The following FREM2 variants were observed in gnomAD, a reference collection of about 807,000 sequenced individuals.
FREM2 encodes the protein FRAS1-related extracellular matrix protein 2.
FREM2 carries 119 observed loss-of-function variants against 219.9 expected under a neutral mutation model. The observed-to-expected ratio is 0.54, with a 90% CI of 0.47 to 0.63. The LOEUF is 0.63. FREM2 is among the 30% of genes least tolerant of loss of function. The pLI is 0.00. For missense variants in FREM2, 4,030 were observed against 3,993.6 expected, an observed-to-expected ratio of 1.01 and a Z score of -0.25; for synonymous variants, 1,562 against 1,522.8, an observed-to-expected ratio of 1.03 and a Z score of -0.60.
At chr13:38,858,169 A>G (rs990435872) in intron 13 of FREM2, 136 bp downstream of exon 13, 14 of 780,168 alleles carry the variant, frequency 1.8e-5, no homozygotes, top group Non-Finnish European at 3.0e-5. Flanking sequence ...TGAGCTTTGC[A>G]TATATAACAC....
rs766104696 is a variant in FREM2 at position 38,856,221 on chromosome 13, C to G, written c.7021C>G (p.Leu2341Val). Residue 2341 changes from leucine to valine, a missense_variant, in exon 12 of 24, where the codon CTA becomes GTA. By Grantham distance (32) the Leu-to-Val change is conservative (BLOSUM62 1). Coordinates refer to ENST00000280481, the MANE Select transcript of FREM2 (RefSeq NM_207361.6). ...GATGAGAGAGGCCTTCACTGTTCAC[C>G]TAAAACCTGATGAAAATATGATAGC... ...REMREAFTVH[L>V]KPDENMIAEM... 42 of 1,612,746 alleles carry G rather than the reference C, an allele frequency of 2.6e-5. No homozygotes were observed. The highest frequency in any genetic ancestry group is 1.6e-4 in the Middle Eastern group (1 of 6,074).
At position 38,848,407 on chromosome 13, in the gene FREM2, A is replaced by G; in HGVS notation, c.6170-54A>G. 8 of 1,219,774 alleles carry G rather than the reference A, an allele frequency of 6.6e-6. No individual in the cohort carries two copies. The South Asian group carries it at 8.4e-5, about 13-fold the overall frequency. The allele number at this position is 1,219,774 out of a possible 1,614,324, so 75.6% of individuals were successfully genotyped here. A position where few individuals can be genotyped will look rare whatever the true frequency, so the allele number is the denominator to read the frequency against. On this transcript the variant is annotated intron_variant, in intron 7 of 23. Transcript: ENST00000280481. ...ACAATTACATAATTTATGTCTTATA[A>G]TTTTTTGAAATTTAATTAGTCCCCA... is the stretch of plus-strand genomic sequence containing the variant.
chr13:38,858,664 TATACA>T (rs1187578600), intron 13 of FREM2, among the ~76,000 whole-genome samples: 1 of 152,212 alleles, frequency 6.6e-6, no homozygotes, highest in Non-Finnish European at 1.5e-5. Context: ...TAAAATCACT[TATACA>T]ATACATGTTT....
In FREM2 at chr13:38,820,278, T is replaced by C. The variant is rs1875989167; in HGVS notation, c.6020-26295T>C. 2.6e-5 allele frequency among the ~76,000 whole-genome samples: 4 copies of C among 152,266 alleles called. No individual in the cohort carries two copies. The South Asian group carries it at 8.3e-4, about 32-fold the overall frequency. On this transcript the variant is annotated intron_variant, in intron 6 of 23. Coordinates refer to ENST00000280481, the MANE Select transcript of FREM2 (RefSeq NM_207361.6). ...TTGTCAAGTCCTCGTGGATAAATAT[T>C]GTCTTGAGTTTGTTTTGTCTTTTTC...
chr13:38,861,667 T>A, intron 15 of FREM2, 105 bp downstream of exon 15: 1 of 1,291,980 alleles, frequency 7.7e-7, no homozygotes, highest in Non-Finnish European at 1.1e-6. Context: ...AAACGTTCAA[T>A]TTGCAACTTG....
chr13:38,787,914 G>T (rs1171427209), intron 6 of FREM2, among the ~76,000 whole-genome samples: 2 of 151,972 alleles, frequency 1.3e-5, no homozygotes, highest in Non-Finnish European at 2.9e-5. Context: ...GGGAGGATGG[G>T]TCTCATGAGA....
At chr13:38,705,101 G>A (rs965160067) in intron 2 of FREM2, among the ~76,000 whole-genome samples, 3 of 152,206 alleles carry the variant, frequency 2.0e-5, no homozygotes, top group Non-Finnish European at 2.9e-5. Context: ...TTGTGTTTTA[G>A]AAAGATGATT....
At chr13:38,879,118 T>C (rs1036828231) in intron 23 of FREM2, 141 bp downstream of exon 23, 24 of 869,068 alleles carry the variant, frequency 2.8e-5, no homozygotes, top group Non-Finnish European at 4.4e-5. Context: ...GAATAAGATA[T>C]GGCAAATAAA....
rs778335822 is a variant in FREM2, at chr13:38,861,592, A to G, written c.7651+30A>G. 15 of 1,612,686 alleles carry G rather than the reference A, an allele frequency of 9.3e-6. No individual in the cohort carries two copies. In the African/African-American group the frequency reaches 1.7e-4, roughly 19 times the overall value. On this transcript the variant is annotated intron_variant, in intron 15 of 23. Transcript: ENST00000280481. ...GTGACTTGGGTAAGCAAATCCATGG[A>G]ATTGTTTTGGACTCCTCATTACCTG...
intron 2 of FREM2, among the ~76,000 whole-genome samples, chr13:38,708,926 A>AT (rs1249667399): frequency 6.6e-6 from 1 of 151,938 alleles, no homozygotes; most frequent in Non-Finnish European, 1.5e-5. Context: ...CGCCCAGATA[A>AT]TTTTTGTATT....
intron 2 of FREM2, among the ~76,000 whole-genome samples, chr13:38,731,296 A>C (rs1030031165): frequency 6.6e-6 from 1 of 152,358 alleles, no homozygotes; most frequent in East Asian, 1.9e-4. Flanking sequence ...AAAAACATAC[A>C]AAGTAAATGA....
chr13:38,809,518 G>A (rs1007631079), intron 6 of FREM2, among the ~76,000 whole-genome samples: 4 of 152,018 alleles, frequency 2.6e-5, no homozygotes, highest in African/African-American at 7.2e-5. Flanking sequence ...GCGAGAGATA[G>A]GGATTAAGTT....
chr13:38,739,823 A>G (rs1439072417), intron 2 of FREM2, among the ~76,000 whole-genome samples: 2 of 152,174 alleles, frequency 1.3e-5, no homozygotes, highest in Admixed American at 6.5e-5. Flanking sequence ...TGTTTTACTG[A>G]TAATGATAAA....
At chr13:38,716,273 C>T (rs1870996133) in intron 2 of FREM2, among the ~76,000 whole-genome samples, 1 of 152,144 alleles carries the variant, frequency 6.6e-6, no homozygotes, top group Non-Finnish European at 1.5e-5. Flanking sequence ...TGTGGTCTGT[C>T]CCACTACCAG....
At position 38,712,930 on chromosome 13, in the gene FREM2, A is replaced by C. The variant is rs577495700; in HGVS notation, c.5263+15143A>C. Among the ~76,000 whole-genome samples the C allele has an allele frequency of 4.6e-5, 7 of 152,302 alleles. No homozygotes were observed. In the East Asian group the frequency reaches 1.3e-3, roughly 29 times the overall value. On this transcript the variant is annotated intron_variant, in intron 2 of 23. Coordinates refer to ENST00000280481, the MANE Select transcript of FREM2 (RefSeq NM_207361.6). The stretch of plus-strand genomic sequence containing the variant: ...TGCCTGTATCAGATGTGATTCTTCT[A>C]TCATCCCCATTTCTTTCAGTGGTAT...
intron 6 of FREM2, among the ~76,000 whole-genome samples, chr13:38,807,836 A>C (rs1875310032): frequency 6.6e-6 from 1 of 151,906 alleles, no homozygotes; most frequent in African/African-American, 2.4e-5. Context: ...CTGATTGGTA[A>C]ATGACCGTTG....
chr13:38,760,387 A>T (rs12427453), intron 2 of FREM2, among the ~76,000 whole-genome samples: 2,709 of 152,360 alleles, frequency 0.018, 40 homozygotes, highest in Admixed American at 0.05. Flanking sequence ...GTCCTTTCAG[A>T]ACATAGGCAC....
At chr13:38,827,954 G>C (rs574990029) in intron 6 of FREM2, among the ~76,000 whole-genome samples, 2 of 152,232 alleles carry the variant, frequency 1.3e-5, no homozygotes, top group South Asian at 2.1e-4. Flanking sequence ...GTTAATCTTT[G>C]TTTAGTAATA....
intron 6 of FREM2, among the ~76,000 whole-genome samples, chr13:38,809,249 A>T (rs1047977636): frequency 2.0e-5 from 3 of 149,922 alleles, no homozygotes; most frequent in Admixed American, 6.6e-5. Flanking sequence ...CATTTTAATG[A>T]TATATATCTA....
Sources: allele counts gnomAD v4.1 joint callset (sites outside exome capture counted in the v4.1 genomes callset), GRCh38; gene constraint gnomAD v4.1.1; transcripts MANE v1.5; gene names NCBI Gene and HGNC (gene_info 2026-07-23, HGNC 2026-07-21).